Variants in CYP46A1 observed in about 807,000 individuals in gnomAD.
The protein encoded by CYP46A1 is cholesterol 24-hydroxylase.
In CYP46A1, 20 loss-of-function variants were observed where a neutral mutation model predicts 63.3. The observed-to-expected ratio is 0.32, with a 90% CI of 0.22 to 0.46. The LOEUF is 0.46. CYP46A1 is among the 20% of genes least tolerant of loss of function. The pLI is 1.00. For missense variants in CYP46A1, 445 were observed against 670.8 expected (o/e 0.66, Z 3.72); for synonymous variants, 268 against 273.6 (o/e 0.98, Z 0.20).
chr14:99,726,269 G>A lies in CYP46A1; in HGVS notation c.1332+13G>A, dbSNP rs907423627. On this transcript the variant is annotated intron_variant, in intron 14 of 14. Transcript: ENST00000261835. ...GCAGTTTGCTCAGGTAGGAGGGGCA[G>A]GGCTGTGGTTCTGCCCAGGAGTAGC... 9 of 1,612,566 alleles carry A rather than the reference G, an allele frequency of 5.6e-6. No individual in the cohort carries two copies. The Middle Eastern group carries it at 7.3e-4, about 131-fold the overall frequency.
chr14:99,720,843 G>A (rs2056839464), intron 10 of CYP46A1, among the ~76,000 whole-genome samples: 1 of 152,072 alleles, frequency 6.6e-6, no homozygotes, highest in Non-Finnish European at 1.5e-5. Context: ...CAGCACTTTG[G>A]GAAGCTGAGG....
chr14:99,691,492 G>A (rs538116768), intron 2 of CYP46A1: 299 of 569,652 alleles, frequency 5.2e-4, no homozygotes, highest in Non-Finnish European at 7.7e-4. Context: ...TCAAAGATGC[G>A]AATCATTTGA....
intron 10 of CYP46A1, among the ~76,000 whole-genome samples, chr14:99,718,372 C>G (rs2140137296): frequency 6.6e-6 from 1 of 152,328 alleles, no homozygotes; most frequent in Middle Eastern, 3.4e-3. Flanking sequence ...CCACGTTTCC[C>G]CTCCGAGCCT....
chr14:99,715,810 T>C lies in CYP46A1; in HGVS notation c.694T>C (p.Phe232Leu). Reference protein sequence around the residue: ...ITASRNTLAKFLPGKRKQLRE... With the variant: ...ITASRNTLAKLLPGKRKQLRE... ...ATCTGGAGCTGAAACTCTTGTTTAG[T>C]TCCTGCCAGGGAAGAGGAAGCAGCT... is the stretch of plus-strand genomic sequence containing the variant. Residue 232 changes from phenylalanine to leucine, a missense_variant and splice_region_variant, in exon 8 of 15, where the codon TTC becomes CTC. By Grantham distance (22) the Phe-to-Leu change is conservative. Transcript: ENST00000261835. 1 of 1,614,156 alleles carries C rather than the reference T, an allele frequency of 6.2e-7. No homozygotes were observed. Among genetic ancestry groups the C allele is most frequent in the Non-Finnish European group, 8.5e-7 (1 of 1,180,026 alleles).
intron 1 of CYP46A1, among the ~76,000 whole-genome samples, chr14:99,689,177 C>T (rs1376395274): frequency 6.6e-6 from 1 of 152,174 alleles, no homozygotes; most frequent in Non-Finnish European, 1.5e-5. Flanking sequence ...TGTCTAACTT[C>T]CTGCTCAATA....
chr14:99,719,378 A>ATTTTTTTTTTTTT (rs55679517), intron 10 of CYP46A1, among the ~76,000 whole-genome samples: 13 of 142,598 alleles, frequency 9.1e-5, no homozygotes, highest in African/African-American at 2.4e-4. Flanking sequence ...CACCTGGCTA[A>ATTTTTTTTTTTTT]TTTTTTTTTT....
rs201784451 is a variant in CYP46A1 at position 99,726,238 on chromosome 14, C to T, written c.1314C>T (p.Ile438=). Residue 438 remains isoleucine (I), a synonymous_variant, in exon 14 of 15, where the codon ATC becomes ATT. Coordinates refer to ENST00000261835, the MANE Select transcript of CYP46A1 (RefSeq NM_006668.2). ...TCTCCCTGGGCCACCGCTCCTGCAT[C>T]GGGCAGCAGTTTGCTCAGGTAGGAG... ...FPFSLGHRSC[I]GQQFAQMEVK... 129 of 1,613,642 alleles carry T rather than the reference C, an allele frequency of 8.0e-5. No individual in the cohort carries two copies. Among genetic ancestry groups the T allele is most frequent in the Admixed American group, 3.0e-4 (18 of 59,994 alleles).
chr14:99,709,734 A>G (rs1354067899), intron 7 of CYP46A1: 1 of 152,198 alleles, frequency 6.6e-6, no homozygotes, highest in East Asian at 1.9e-4. Flanking sequence ...GAGCTCAAAA[A>G]TCTCCGAGTA....
intron 5 of CYP46A1, among the ~76,000 whole-genome samples, chr14:99,700,979 G>A (rs565654466): frequency 6.6e-6 from 1 of 152,258 alleles, no homozygotes; most frequent in East Asian, 1.9e-4. Flanking sequence ...GCTAATGTGT[G>A]TGTTTGTGTC....
At chr14:99,711,184 TA>T (rs1342146712) in intron 7 of CYP46A1, 1 of 152,060 alleles carries the variant, frequency 6.6e-6, no homozygotes, top group Admixed American at 6.5e-5. Context: ...TTTATAACAG[TA>T]AACACTTACA....
chr14:99,685,317 G>GCCC (rs34816218), intron 1 of CYP46A1, among the ~76,000 whole-genome samples: 508 of 42,860 alleles, frequency 0.012, 10 homozygotes, highest in African/African-American at 0.041. Flanking sequence ...CCCTCCCCCC[G>GCCC]CCCCCCCCGC....
At chr14:99,709,525 A>G (rs776396179) in intron 7 of CYP46A1, 10 of 152,236 alleles carry the variant, frequency 6.6e-5, no homozygotes, top group South Asian at 2.1e-4. Context: ...AGATTGAAGA[A>G]AGCCTTTGTG....
At chr14:99,708,059 G>T (rs986635634) in intron 7 of CYP46A1, 1 of 270,724 alleles carries the variant, frequency 3.7e-6, no homozygotes, top group African/African-American at 2.3e-5. Flanking sequence ...CACTGCCCGT[G>T]CCCACATGGG....
chr14:99,703,969 A>G (rs2056653681), intron 5 of CYP46A1: 1 of 694,382 alleles, frequency 1.4e-6, no homozygotes, highest in Non-Finnish European at 1.8e-6. Flanking sequence ...AGGCCAGCCA[A>G]GCAAACTTCA....
chr14:99,687,282 G>A (rs1002193136), intron 1 of CYP46A1, among the ~76,000 whole-genome samples: 1 of 152,192 alleles, frequency 6.6e-6, no homozygotes, highest in African/African-American at 2.4e-5. Flanking sequence ...TACTCTCCTG[G>A]TAATGTGGGA....
chr14:99,713,016 C>G (rs954629335), intron 7 of CYP46A1: 3 of 152,144 alleles, frequency 2.0e-5, no homozygotes, highest in African/African-American at 7.2e-5. Context: ...AGGAAACAGA[C>G]TCAACAAAGG....
intron 10 of CYP46A1, among the ~76,000 whole-genome samples, chr14:99,721,023 G>A (rs2056841643): frequency 6.6e-6 from 1 of 152,092 alleles, no homozygotes. Flanking sequence ...GGGGAGGGCG[G>A]AGGTTGCAGT....
intron 2 of CYP46A1, 79 bp from the exon 3 acceptor site, chr14:99,691,701 G>T: frequency 7.4e-7 from 1 of 1,343,990 alleles, no homozygotes; most frequent in Non-Finnish European, 1.1e-6. Context: ...GGGAAACATC[G>T]GTTTCTCAGC....
chr14:99,716,123 T>A lies in CYP46A1; in HGVS notation c.845-14T>A, dbSNP rs1415667378. ...AAAGATTTGCTGGGAACTGAGACTC[T>A]CCTTGTTTTTCAGCTGAAGAGGGAG... On this transcript the variant is annotated splice_polypyrimidine_tract_variant and intron_variant, in intron 8 of 14. Coordinates refer to ENST00000261835, the MANE Select transcript of CYP46A1 (RefSeq NM_006668.2). 1 of 1,614,166 alleles carries A rather than the reference T, an allele frequency of 6.2e-7. No homozygotes were observed.
Sources: allele counts gnomAD v4.1 joint callset (sites outside exome capture counted in the v4.1 genomes callset), GRCh38; gene constraint gnomAD v4.1.1; transcripts MANE v1.5; gene names NCBI Gene and HGNC (gene_info 2026-07-23, HGNC 2026-07-21).